DENND6A: variants seen among roughly 807,000 people sequenced by gnomAD.
The protein encoded by DENND6A is DENN domain containing 6A, also known as protein DENND6A.
DENND6A carries 43 observed loss-of-function variants against 95.5 expected under a neutral mutation model. That is an observed-to-expected ratio of 0.45 (90% CI 0.35 to 0.58). DENND6A has a LOEUF of 0.58. DENND6A is among the 20% of genes least tolerant of loss of function. The probability of loss-of-function intolerance (pLI) is 0.00; values close to 1 mark genes in which losing one functional copy is unlikely to be tolerated. For synonymous variants in DENND6A, 257 were observed against 260.4 expected (o/e 0.99, Z 0.13); for missense variants, 574 against 736.0 (o/e 0.78, Z 2.55).
At chr3:57,673,213 C>CAAAAAAAAAAAA (rs386396751) in intron 1 of DENND6A, among the ~76,000 whole-genome samples, 38 of 70,118 alleles carry the variant, frequency 5.4e-4, no homozygotes, top group Non-Finnish European at 6.5e-4. Context: ...CATTTCGTAT[C>CAAAAAAAAAAAA]AAAAAAAAAA....
rs546294324 is a variant in DENND6A at position 57,682,732 on chromosome 3, G to A, written c.237+10050C>T. Among the ~76,000 whole-genome samples the A allele has an allele frequency of 7.6e-4, 116 of 152,286 alleles. 1 individual carries two copies. The highest frequency in any genetic ancestry group is 2.6e-3 in the African/African-American group (109 of 41,558). On this transcript the variant is annotated intron_variant, in intron 1 of 19. Transcript: ENST00000311128. ...GCTTTGTCACCCAGGCTGGAGAGCAGTGGCATGATCTCAGCTCACTGCAAC... is the reference window on the plus strand; with the variant it reads ...GCTTTGTCACCCAGGCTGGAGAGCAATGGCATGATCTCAGCTCACTGCAAC...
intron 7 of DENND6A, among the ~76,000 whole-genome samples, chr3:57,659,465 T>C (rs1259421017): frequency 1.3e-5 from 2 of 152,186 alleles, no homozygotes; most frequent in Admixed American, 1.3e-4. Flanking sequence ...TCCTGTTTAT[T>C]GTTCAAATCT....
intron 1 of DENND6A, among the ~76,000 whole-genome samples, chr3:57,681,433 C>T (rs2077164345): frequency 6.6e-6 from 1 of 151,698 alleles, no homozygotes; most frequent in Admixed American, 6.6e-5. Context: ...CACTGCACTC[C>T]AGCCTGGGTG....
chr3:57,641,121 C>G (rs1310215088), intron 12 of DENND6A, among the ~76,000 whole-genome samples: 2 of 146,154 alleles, frequency 1.4e-5, no homozygotes, highest in African/African-American at 5.0e-5. Context: ...TATTGGGCTT[C>G]TATATATATA....
intron 3 of DENND6A, among the ~76,000 whole-genome samples, chr3:57,671,030 C>A (rs558305199): frequency 6.6e-5 from 10 of 152,266 alleles, no homozygotes; most frequent in African/African-American, 9.6e-5. Context: ...TCAGAAAAAA[C>A]CCCTTACTGG....
chr3:57,631,188 C>T (rs548183126), intron 15 of DENND6A: 58 of 535,748 alleles, frequency 1.1e-4, no homozygotes, highest in Non-Finnish European at 1.7e-4. Context: ...CTTAGATAAA[C>T]CAAGGGGACT....
At chr3:57,661,627 T>C (rs2071425522) in intron 5 of DENND6A, 76 bp from the exon 6 acceptor site, 3 of 1,146,676 alleles carry the variant, frequency 2.6e-6, no homozygotes, top group Admixed American at 6.2e-5. Context: ...ACTAACAAGC[T>C]AAATTCAGCA....
At position 57,630,770 on chromosome 3, in the gene DENND6A, TC is replaced by T. The variant is rs1186649167; in HGVS notation, c.1461del (p.Thr489GlnfsTer5). On this transcript the variant is annotated frameshift_variant, in exon 17 of 20. Transcript: ENST00000311128. LOFTEE classifies it high-confidence loss of function. The stretch of plus-strand genomic sequence containing the variant: ...CTAGAGGTTAGCTGAGGTCCTGTTT[TC>T]TCAAGTGTTTTCATAAATTCTTCTG... Reference protein sequence around the residue: ...FLPEEFMKTLEKTGPQLTSRI... With the variant: ...FLPEEFMKTLXKTGPQLTSRI... The T allele has an allele frequency of 6.2e-7, 1 of 1,613,968 alleles. No individual in the cohort carries two copies. Among genetic ancestry groups the T allele is most frequent in the Non-Finnish European group, 8.5e-7 (1 of 1,180,002 alleles).
chr3:57,672,015 T>G (rs1334768107), intron 3 of DENND6A, among the ~76,000 whole-genome samples: 3 of 152,194 alleles, frequency 2.0e-5, no homozygotes, highest in Non-Finnish European at 4.4e-5. Context: ...TTTCAACCTC[T>G]TCACTATTTT....
intron 8 of DENND6A, 129 bp downstream of exon 8, chr3:57,658,989 T>C (rs915090848): frequency 4.6e-5 from 36 of 787,094 alleles, no homozygotes; most frequent in Admixed American, 8.5e-5. Flanking sequence ...TTAAAAATTA[T>C]TTAATGGGAC....
chr3:57,651,511 G>A (rs2071209363), intron 9 of DENND6A, among the ~76,000 whole-genome samples: 4 of 152,220 alleles, frequency 2.6e-5, no homozygotes, highest in Admixed American at 6.5e-5. Flanking sequence ...GGGCTGGGAA[G>A]AAGAGGGAAT....
At chr3:57,658,441 A>G (rs1449069712) in intron 8 of DENND6A, among the ~76,000 whole-genome samples, 1 of 152,162 alleles carries the variant, frequency 6.6e-6, no homozygotes. Context: ...AGGTGGGAGA[A>G]TCACTTCAGC....
chr3:57,650,443 CACATACAT>C (rs1363256395), intron 9 of DENND6A, among the ~76,000 whole-genome samples: 1 of 150,460 alleles, frequency 6.6e-6, no homozygotes, highest in Admixed American at 6.6e-5. Context: ...CACACACACA[CACATACAT>C]ACACACACAC....
intron 1 of DENND6A, among the ~76,000 whole-genome samples, chr3:57,672,686 G>C (rs1243150307): frequency 6.6e-6 from 1 of 152,050 alleles, no homozygotes; most frequent in African/African-American, 2.4e-5. Flanking sequence ...GGGAGGCTGA[G>C]GCAGGAGGAT....
intron 12 of DENND6A, among the ~76,000 whole-genome samples, chr3:57,637,511 T>C (rs1290623496): frequency 6.6e-6 from 1 of 152,146 alleles, no homozygotes; most frequent in Non-Finnish European, 1.5e-5. Flanking sequence ...TTTTTTTCTC[T>C]AATTTTACTG....
At chr3:57,671,320 C>T (rs1381162667) in intron 3 of DENND6A, among the ~76,000 whole-genome samples, 2 of 151,966 alleles carry the variant, frequency 1.3e-5, no homozygotes, top group African/African-American at 4.8e-5. Flanking sequence ...GTCAAGAGAT[C>T]GAGACCATCC....
At chr3:57,682,949 A>T (rs1468368955) in intron 1 of DENND6A, among the ~76,000 whole-genome samples, 2 of 152,198 alleles carry the variant, frequency 1.3e-5, no homozygotes, top group Non-Finnish European at 2.9e-5. Flanking sequence ...AAGTGCTGGG[A>T]CTACAGGCAT....
rs995135569 is a variant in DENND6A, at chr3:57,667,814, C to T, written c.320-1579G>A. ...GACACAGTGGCTCACGCCCGTAATC[C>T]CAGCACTTCAGAAGGCCAAGGCAGG... On this transcript the variant is annotated intron_variant, in intron 3 of 19. Transcript: ENST00000311128. Among the ~76,000 whole-genome samples, 65 of 152,100 alleles carry T rather than the reference C, an allele frequency of 4.3e-4. 2 individuals are homozygous for T. The highest frequency in any genetic ancestry group is 1.3e-4 in the Admixed American group (2 of 15,264).
At chr3:57,679,695 T>C (rs576242919) in intron 1 of DENND6A, 2 of 381,256 alleles carry the variant, frequency 5.2e-6, no homozygotes, top group African/African-American at 2.2e-5. Context: ...TGGTCCATTG[T>C]TGCTCACTGA....
Sources: allele counts gnomAD v4.1 joint callset (sites outside exome capture counted in the v4.1 genomes callset), GRCh38; gene constraint gnomAD v4.1.1; transcripts MANE v1.5; gene names NCBI Gene and HGNC (gene_info 2026-07-23, HGNC 2026-07-21).